NKAIN3: variants seen among roughly 807,000 people sequenced by gnomAD.
NKAIN3 encodes the protein sodium/potassium transporting ATPase interacting 3, also known as sodium/potassium-transporting ATPase subunit beta-1-interacting protein 3.
NKAIN3 carries 25 observed loss-of-function variants against 30.2 expected under a neutral mutation model. That is an observed-to-expected ratio of 0.83 (90% CI 0.60 to 1.16). NKAIN3 has a LOEUF of 1.16. Among genes scored for constraint, NKAIN3 ranks in the 50% most tolerant of loss-of-function variants. The pLI, the probability that NKAIN3 is intolerant of heterozygous loss-of-function variation, is 0.00. For missense variants in NKAIN3, 225 were observed against 254.1 expected, an observed-to-expected ratio of 0.89 and a Z score of 0.78; for synonymous variants, 91 against 89.6, an observed-to-expected ratio of 1.02 and a Z score of -0.09.
chr8:62,580,225 A>G (rs564919781), intron 2 of NKAIN3, among the ~76,000 whole-genome samples: 1 of 152,320 alleles, frequency 6.6e-6, no homozygotes, highest in South Asian at 2.1e-4. Flanking sequence ...TCTGTTTGTC[A>G]AGATGAATTT....
intron 4 of NKAIN3, among the ~76,000 whole-genome samples, chr8:62,904,788 T>C (rs149415374): frequency 5.9e-5 from 9 of 152,290 alleles, no homozygotes; most frequent in African/African-American, 1.9e-4. Context: ...AAATGCAAAG[T>C]TGAATTGAGA....
intron 3 of NKAIN3, among the ~76,000 whole-genome samples, chr8:62,624,182 T>A (rs1021191942): frequency 3.3e-5 from 5 of 152,192 alleles, no homozygotes; most frequent in Admixed American, 6.6e-5. Context: ...TTGGGCCAAC[T>A]CCTTTACCAC....
chr8:62,924,796 A>G lies in NKAIN3; in HGVS notation c.532+6283A>G, dbSNP rs1016468224. Among the ~76,000 whole-genome samples the G allele has an allele frequency of 7.9e-5, 12 of 152,352 alleles. No individual in the cohort carries two copies. In the East Asian group the frequency reaches 1.9e-3, roughly 25 times the overall value. ...GTGAAAAGTTTAAGATCAAGGTACCAGCAGACTTGGTGTCTGGTGAGGGCC... is the reference window on the plus strand; with the variant it reads ...GTGAAAAGTTTAAGATCAAGGTACCGGCAGACTTGGTGTCTGGTGAGGGCC... On this transcript the variant is annotated intron_variant, in intron 5 of 6. Coordinates refer to ENST00000623646, the MANE Select transcript of NKAIN3 (RefSeq NM_001304533.3).
At chr8:62,576,382 C>T (rs1242777638) in intron 1 of NKAIN3, among the ~76,000 whole-genome samples, 2 of 152,014 alleles carry the variant, frequency 1.3e-5, no homozygotes, top group Admixed American at 6.6e-5. Flanking sequence ...TATTTCTCTA[C>T]TTTTTTTAAA....
At chr8:62,476,977 T>TA (rs2129600456) in intron 1 of NKAIN3, among the ~76,000 whole-genome samples, 1 of 151,970 alleles carries the variant, frequency 6.6e-6, no homozygotes, top group East Asian at 1.9e-4. Context: ...GGTGGAAAGA[T>TA]ATGCGGTTTG....
At chr8:62,765,263 A>G (rs1050113547) in intron 4 of NKAIN3, among the ~76,000 whole-genome samples, 3 of 133,474 alleles carry the variant, frequency 2.2e-5, no homozygotes, top group Non-Finnish European at 3.1e-5. Flanking sequence ...AAAAAAAAAA[A>G]AAAGAAAAGA....
Position 62,443,219 on chromosome 8 carries a change from T to C in NKAIN3, c.55-136320T>C, listed in dbSNP as rs918232350. On this transcript the variant is annotated intron_variant, in intron 1 of 6. Transcript: ENST00000623646. ...ATTGTTTATGAATCTATTTTTCCTA[T>C]AGATGTGATGATTTCTGCTTTTTTG... is the stretch of plus-strand genomic sequence containing the variant. Among the ~76,000 whole-genome samples the C allele has an allele frequency of 2.6e-5, 4 of 152,130 alleles. No homozygotes were observed. The East Asian group carries it at 5.8e-4, about 22-fold the overall frequency.
chr8:62,465,178 T>G (rs1256599756), intron 1 of NKAIN3, among the ~76,000 whole-genome samples: 2 of 152,212 alleles, frequency 1.3e-5, no homozygotes, highest in African/African-American at 2.4e-5. Flanking sequence ...GTTTACATCT[T>G]TCTTAAATTA....
At chr8:62,413,725 A>G (rs1459603246) in intron 1 of NKAIN3, among the ~76,000 whole-genome samples, 1 of 152,194 alleles carries the variant, frequency 6.6e-6, no homozygotes, top group African/African-American at 2.4e-5. Context: ...GAATAAATGT[A>G]CATTTTAATA....
intron 4 of NKAIN3, among the ~76,000 whole-genome samples, chr8:62,819,352 G>T (rs1271581690): frequency 6.6e-6 from 1 of 151,788 alleles, no homozygotes; most frequent in Non-Finnish European, 1.5e-5. Flanking sequence ...ACTAAATCTT[G>T]AACTTGGTGT....
At chr8:62,662,642 G>A (rs1812981541) in intron 3 of NKAIN3, among the ~76,000 whole-genome samples, 1 of 152,152 alleles carries the variant, frequency 6.6e-6, no homozygotes, top group Non-Finnish European at 1.5e-5. Flanking sequence ...GTTAATAAAA[G>A]CTTCTACCTT....
At chr8:62,939,197 A>T (rs1326171247) in intron 5 of NKAIN3, among the ~76,000 whole-genome samples, 1 of 152,206 alleles carries the variant, frequency 6.6e-6, no homozygotes, top group East Asian at 1.9e-4. Flanking sequence ...CCAATCTAAC[A>T]AAAACAAAGA....
chr8:62,797,551 T>C (rs909846981), intron 4 of NKAIN3, among the ~76,000 whole-genome samples: 1 of 152,222 alleles, frequency 6.6e-6, no homozygotes, highest in Non-Finnish European at 1.5e-5. Flanking sequence ...TCGCAGGGCC[T>C]TACTTATTTT....
intron 4 of NKAIN3, among the ~76,000 whole-genome samples, chr8:62,811,067 C>A (rs1586223838): frequency 6.6e-6 from 1 of 152,062 alleles, no homozygotes; most frequent in Non-Finnish European, 1.5e-5. Flanking sequence ...CCCAACCCCA[C>A]CCTTGATCTC....
intron 1 of NKAIN3, among the ~76,000 whole-genome samples, chr8:62,320,449 A>C (rs1436700833): frequency 2.0e-5 from 3 of 152,074 alleles, no homozygotes; most frequent in South Asian, 2.1e-4. Context: ...ACAATTTGGC[A>C]TGTTTTTGCA....
At chr8:62,405,851 G>T (rs566765066) in intron 1 of NKAIN3, among the ~76,000 whole-genome samples, 1 of 152,108 alleles carries the variant, frequency 6.6e-6, no homozygotes, top group Non-Finnish European at 1.5e-5. Context: ...ACATTCAAGT[G>T]TTCTTCATGA....
At chr8:62,370,230 C>A (rs778188109) in intron 1 of NKAIN3, among the ~76,000 whole-genome samples, 11 of 151,908 alleles carry the variant, frequency 7.2e-5, no homozygotes, top group Admixed American at 1.3e-4. Flanking sequence ...AAAATAATAA[C>A]TTAAAAAAAT....
At chr8:62,696,666 T>TAAA (rs5891869) in intron 3 of NKAIN3, among the ~76,000 whole-genome samples, 1 of 147,394 alleles carries the variant, frequency 6.8e-6, no homozygotes, top group African/African-American at 2.5e-5. Context: ...AGTTCCCAAT[T>TAAA]AAAAAAAAAA....
At chr8:62,587,975 T>C (rs1485248975) in intron 2 of NKAIN3, among the ~76,000 whole-genome samples, 1 of 151,976 alleles carries the variant, frequency 6.6e-6, no homozygotes, top group Non-Finnish European at 1.5e-5. Flanking sequence ...AAAAAATACC[T>C]GTGCATTTAG....
Sources: gnomAD v4.1 joint callset for allele counts (sites outside exome capture counted in the v4.1 genomes callset) on GRCh38, gnomAD v4.1.1 for gene constraint, MANE v1.5 for transcripts, NCBI Gene and HGNC (gene_info 2026-07-23, HGNC 2026-07-21) for gene names.